The following NRG2 variants were observed in gnomAD, a reference collection of about 807,000 sequenced individuals.
NRG2 encodes the protein neuregulin 2, also known as pro-neuregulin-2, membrane-bound isoform.
In NRG2, 27 loss-of-function variants were observed where a neutral mutation model predicts 73.9. The observed-to-expected ratio is 0.37, with a 90% CI of 0.27 to 0.50. NRG2 has a LOEUF of 0.50. NRG2 is among the 20% of genes least tolerant of loss of function. The pLI, the probability that NRG2 is intolerant of heterozygous loss-of-function variation, is 0.96. For synonymous variants in NRG2, 532 were observed against 541.0 expected (o/e 0.98, Z 0.23); for missense variants, 1,126 against 1,210.1 (o/e 0.93, Z 1.03).
chr5:139,876,684 T>C (rs913963921), intron 3 of NRG2, among the ~76,000 whole-genome samples: 4 of 152,014 alleles, frequency 2.6e-5, no homozygotes, highest in African/African-American at 9.7e-5. Flanking sequence ...TGGAGAAAAC[T>C]TCTGCTTGTC....
chr5:139,993,662 C>G (rs1294656954), intron 1 of NRG2, among the ~76,000 whole-genome samples: 2 of 152,146 alleles, frequency 1.3e-5, no homozygotes, highest in Non-Finnish European at 2.9e-5. Context: ...AAGTCTTGTT[C>G]ATTGCTTTAT....
chr5:139,966,178 C>T (rs149547709), intron 1 of NRG2, among the ~76,000 whole-genome samples: 2 of 152,174 alleles, frequency 1.3e-5, no homozygotes, highest in East Asian at 3.9e-4. Flanking sequence ...TGCTCCATTG[C>T]CAACGAAACA....
intron 1 of NRG2, among the ~76,000 whole-genome samples, chr5:140,035,095 C>G (rs1368518090): frequency 6.6e-6 from 1 of 152,148 alleles, no homozygotes; most frequent in African/African-American, 2.4e-5. Flanking sequence ...ATCTACCTCT[C>G]CAGGCTCCTC....
intron 1 of NRG2, among the ~76,000 whole-genome samples, chr5:139,989,841 T>G (rs1406950856): frequency 6.6e-6 from 1 of 151,462 alleles, no homozygotes; most frequent in African/African-American, 2.4e-5. Context: ...CAGGCCGGAC[T>G]GCAGTGGCGT....
chr5:139,926,511 C>T (rs532413904), intron 1 of NRG2, among the ~76,000 whole-genome samples: 4 of 152,160 alleles, frequency 2.6e-5, no homozygotes, highest in South Asian at 4.2e-4. Context: ...GGCTGGCTTC[C>T]GTGAGTGATG....
intron 1 of NRG2, among the ~76,000 whole-genome samples, chr5:140,011,833 G>C (rs968823717): frequency 6.6e-6 from 1 of 152,108 alleles, no homozygotes; most frequent in South Asian, 2.1e-4. Flanking sequence ...CTACATTTTG[G>C]GGTAATTTGT....
chr5:139,850,415 T>G (rs1202813573), intron 9 of NRG2, among the ~76,000 whole-genome samples: 2 of 152,202 alleles, frequency 1.3e-5, no homozygotes, highest in African/African-American at 4.8e-5. Context: ...GGTGTCATGT[T>G]TAGCACCTTC....
rs888472040 is a variant in NRG2 at position 139,856,140 on chromosome 5, G to A, written c.1190-362C>T. 10 of 274,788 alleles carry A rather than the reference G, an allele frequency of 3.6e-5. No individual in the cohort carries two copies. Among genetic ancestry groups the A allele is most frequent in the Middle Eastern group, 1.3e-3 (1 of 780 alleles). 17.0% of individuals were successfully genotyped at this position (274,788 alleles called of 1,614,324 possible). A position where few individuals can be genotyped will look rare whatever the true frequency, so the allele number is the denominator to read the frequency against. ...CAGGGGAGGACAGCTCAGTCTGGCC[G>A]GTGACCCTGCCCTGCTCCACAGTGG... is the stretch of plus-strand genomic sequence containing the variant. On this transcript the variant is annotated intron_variant, in intron 5 of 9. Transcript: ENST00000361474. This position sits in a 1 kb window ranked among gnomAD's most constrained non-coding sequence, Gnocchi z 4.2.
At chr5:139,939,199 A>ATTTC (rs1267438601) in intron 1 of NRG2, among the ~76,000 whole-genome samples, 2 of 135,206 alleles carry the variant, frequency 1.5e-5, no homozygotes, top group East Asian at 2.4e-4. Context: ...TTTGGCAAAG[A>ATTTC]TTTCTTTCCT....
At chr5:139,907,039 AGT>A (rs1353804340) in intron 1 of NRG2, among the ~76,000 whole-genome samples, 1 of 152,016 alleles carries the variant, frequency 6.6e-6, no homozygotes, top group Non-Finnish European at 1.5e-5. Context: ...TGGGTATATG[AGT>A]GTGAGTGTGC....
At chr5:140,036,096 G>A (rs1761486707) in intron 1 of NRG2, among the ~76,000 whole-genome samples, 1 of 152,186 alleles carries the variant, frequency 6.6e-6, no homozygotes, top group African/African-American at 2.4e-5. Flanking sequence ...GGCTCCGGAA[G>A]TGTCAGGCCT....
At chr5:140,003,134 A>C (rs116411569) in intron 1 of NRG2, among the ~76,000 whole-genome samples, 149 of 152,322 alleles carry the variant, frequency 9.8e-4, no homozygotes, top group African/African-American at 3.4e-3. Flanking sequence ...AAATTGACCA[A>C]TATAGATCAC....
At chr5:140,023,267 A>G (rs1485742522) in intron 1 of NRG2, among the ~76,000 whole-genome samples, 1 of 151,954 alleles carries the variant, frequency 6.6e-6, no homozygotes, top group African/African-American at 2.4e-5. Flanking sequence ...TATCTCCCCT[A>G]TATCTCTACC....
chr5:139,999,249 C>T (rs1036706385), intron 1 of NRG2, among the ~76,000 whole-genome samples: 8 of 152,132 alleles, frequency 5.3e-5, no homozygotes, highest in African/African-American at 1.9e-4. Flanking sequence ...CCCCTTATGC[C>T]GTTTCCTCAT....
intron 1 of NRG2, among the ~76,000 whole-genome samples, chr5:140,036,956 A>G (rs1318334609): frequency 6.6e-6 from 1 of 152,222 alleles, no homozygotes; most frequent in Non-Finnish European, 1.5e-5. Flanking sequence ...TTGCATATTT[A>G]CTTTTTTCCT....
rs59795924 is a variant in NRG2, at chr5:139,905,167, T to C, written c.701-17656A>G. 1.1e-4 allele frequency among the ~76,000 whole-genome samples: 17 copies of C among 152,274 alleles called. No individual in the cohort carries two copies. In the East Asian group the frequency reaches 3.3e-3, roughly 30 times the overall value. ...GACAGCCCAGGCTGCCGGCACCAGC[T>C]GGCTCCTCTCTGCAAGGCCTGCGGA... On this transcript the variant is annotated intron_variant, in intron 1 of 9. Transcript: ENST00000361474.
chr5:139,940,353 T>C (rs1336930169), intron 1 of NRG2, among the ~76,000 whole-genome samples: 3 of 152,206 alleles, frequency 2.0e-5, no homozygotes, highest in Admixed American at 2.0e-4. Context: ...AAAGAATACA[T>C]ACTATGTGAT....
chr5:140,030,433 T>C (rs933707200), intron 1 of NRG2, among the ~76,000 whole-genome samples: 11 of 152,208 alleles, frequency 7.2e-5, no homozygotes, highest in Admixed American at 1.3e-4. Flanking sequence ...CCAGAGGCCC[T>C]GAGGCTGTAA....
chr5:140,030,611 C>G (rs1181717345), intron 1 of NRG2, among the ~76,000 whole-genome samples: 1 of 152,242 alleles, frequency 6.6e-6, no homozygotes, highest in East Asian at 1.9e-4. Context: ...GAAACCTACT[C>G]AGATAATTTA....
Sources: gnomAD v4.1 joint callset for allele counts (sites outside exome capture counted in the v4.1 genomes callset) on GRCh38, gnomAD v4.1.1 for gene constraint, Gnocchi (gnomAD v3.1) non-coding constraint, MANE v1.5 for transcripts, NCBI Gene and HGNC (gene_info 2026-07-23, HGNC 2026-07-21) for gene names.